Variants in HELQ observed in about 807,000 individuals in gnomAD.
The protein encoded by HELQ is helicase, POLQ like, also known as helicase POLQ-like.
HELQ carries 77 observed loss-of-function variants against 111.6 expected under a neutral mutation model. That is an observed-to-expected ratio of 0.69 (90% CI 0.57 to 0.83). The LOEUF is 0.83. Among genes scored for constraint, HELQ ranks in the 40% least tolerant of loss-of-function variants. HELQ has a pLI of 0.00. For synonymous variants in HELQ, 438 were observed against 454.7 expected (o/e 0.96, Z 0.47); for missense variants, 1,200 against 1,288.5 (o/e 0.93, Z 1.05).
chr4:83,434,423 A>AAT (rs1720337584), intron 9 of HELQ, among the ~76,000 whole-genome samples: 1 of 152,156 alleles, frequency 6.6e-6, no homozygotes, highest in African/African-American at 2.4e-5. Context: ...GAATGAAAAT[A>AAT]GTTAATGGAT....
At chr4:83,410,256 C>T (rs1739016964) in intron 17 of HELQ, among the ~76,000 whole-genome samples, 1 of 151,942 alleles carries the variant, frequency 6.6e-6, no homozygotes, top group Non-Finnish European at 1.5e-5. Flanking sequence ...CCCCACTCCC[C>T]CTAAAAAAAT....
chr4:83,410,738 C>T (rs183942660), intron 17 of HELQ, among the ~76,000 whole-genome samples: 3 of 152,190 alleles, frequency 2.0e-5, no homozygotes, highest in Admixed American at 1.3e-4. Flanking sequence ...TAATAGAATG[C>T]AGAAGAAATG....
At chr4:83,434,512 G>C (rs190122519) in intron 9 of HELQ, among the ~76,000 whole-genome samples, 2 of 152,144 alleles carry the variant, frequency 1.3e-5, no homozygotes, top group East Asian at 1.9e-4. Flanking sequence ...GCCCAGGCTG[G>C]AGTGCAGTGG....
chr4:83,418,263 G>T, intron 15 of HELQ, 57 bp from the exon 16 acceptor site: 1 of 1,024,604 alleles, frequency 9.8e-7, no homozygotes, highest in South Asian at 1.6e-5. Context: ...TTCAAAGTTT[G>T]GTTTGTGTGA....
At chr4:83,441,528 A>G (rs1325707872) in intron 6 of HELQ, 125 bp from the exon 7 acceptor site, 2 of 527,148 alleles carry the variant, frequency 3.8e-6, no homozygotes, top group African/African-American at 4.0e-5. Context: ...AAGATACATA[A>G]AACATGCTTC....
Position 83,448,937 on chromosome 4 carries a change from A to C in HELQ, c.1037T>G (p.Leu346Trp), listed in dbSNP as rs995216287. Residue 346 changes from leucine (L) to tryptophan (W), a missense_variant, in exon 3 of 18, where the codon TTG becomes TGG. Leu to Trp is a moderately conservative substitution (Grantham distance 61, BLOSUM62 -2). Transcript: ENST00000295488. ...LYEWQHTCLT[L>W]NSVQERKNLI... Reference sequence around the variant, plus strand: ...ATTTTTTCTTTCTTGCACAGAATTCAATGTTAAACAAGTATGTTGCCATTC... The same window carrying C: ...ATTTTTTCTTTCTTGCACAGAATTCCATGTTAAACAAGTATGTTGCCATTC... 1.2e-6 allele frequency: 2 copies of C among 1,605,066 alleles called. No individual in the cohort carries two copies. Among genetic ancestry groups the C allele is most frequent in the Admixed American group, 3.4e-5 (2 of 59,188 alleles).
At chr4:83,440,355 G>A (rs906411242) in intron 7 of HELQ, among the ~76,000 whole-genome samples, 3 of 152,094 alleles carry the variant, frequency 2.0e-5, no homozygotes, top group Non-Finnish European at 4.4e-5. Context: ...AGTCCACAGA[G>A]AGAAACACAG....
rs139804285 is a variant in HELQ at position 83,453,759 on chromosome 4, T to C, written c.484A>G (p.Ile162Val). 22 of 1,614,216 alleles carry C rather than the reference T, an allele frequency of 1.4e-5. No individual in the cohort carries two copies. Among genetic ancestry groups the C allele is most frequent in the Non-Finnish European group, 1.9e-5 (22 of 1,180,026 alleles). Residue 162 changes from isoleucine to valine, a missense_variant, in exon 2 of 18, where the codon ATA becomes GTA. This residue lies in a region of HELQ where 610 missense variants were observed against 607.1 expected (regional missense o/e 1.00). Transcript: ENST00000295488. ...GTTTGTAATTCAGTAAGGTTGCCTA[T>C]GGTAGTAATGCTGAGTTTGTTTTTG... The part of the protein sequence containing the change: ...SIKNKLSITT[I>V]GNLTELQTDK...
At chr4:83,424,543 G>A (rs149386200) in intron 14 of HELQ, among the ~76,000 whole-genome samples, 1,694 of 152,232 alleles carry the variant, frequency 0.011, 11 homozygotes, top group Admixed American at 0.017. Flanking sequence ...GTACAGGTGT[G>A]TGCCACTGTG....
At chr4:83,447,969 G>C (rs188197887) in intron 3 of HELQ, among the ~76,000 whole-genome samples, 95 of 152,164 alleles carry the variant, frequency 6.2e-4, no homozygotes, top group African/African-American at 2.3e-3. Context: ...CAGCACTTTG[G>C]GGGGCCGAGG....
At position 83,453,692 on chromosome 4, in the gene HELQ, G is replaced by A; in HGVS notation, c.551C>T (p.Thr184Ile). 6.2e-7 allele frequency: 1 copy of A among 1,614,070 alleles called. No individual in the cohort carries two copies. Among genetic ancestry groups the A allele is most frequent in the South Asian group, 1.1e-5 (1 of 91,082 alleles). ...CAAAAGATCAGCTCCAGGTTCAATA[G>A]TGACACCTTCATATCCACTCTGGTT... is the stretch of plus-strand genomic sequence containing the variant. ...TENQSGYEGVTIEPGADLLYD... is the reference protein window; with the variant it reads ...TENQSGYEGVIIEPGADLLYD... Residue 184 changes from threonine (T) to isoleucine (I), a missense_variant, in exon 2 of 18, where the codon ACT becomes ATT. By Grantham distance (89) the Thr-to-Ile change is moderately conservative. Coordinates refer to ENST00000295488, the MANE Select transcript of HELQ (RefSeq NM_133636.5).
chr4:83,438,082 T>C (rs928519142), intron 8 of HELQ, among the ~76,000 whole-genome samples: 3 of 152,218 alleles, frequency 2.0e-5, no homozygotes, highest in African/African-American at 7.2e-5. Context: ...AACTCCTTCA[T>C]CTTATTCCAA....
At chr4:83,431,357 T>A (rs1025636040) in intron 11 of HELQ, among the ~76,000 whole-genome samples, 3 of 151,938 alleles carry the variant, frequency 2.0e-5, no homozygotes, top group African/African-American at 7.2e-5. Flanking sequence ...GGGGTCTTGC[T>A]ATGTTGCCCA....
At chr4:83,447,201 G>T (rs766507323) in intron 3 of HELQ, among the ~76,000 whole-genome samples, 166 bp from the exon 4 acceptor site, 20 of 152,038 alleles carry the variant, frequency 1.3e-4, no homozygotes, top group Non-Finnish European at 2.8e-4. Flanking sequence ...TAAAAAATTC[G>T]CTGGCTGTGG....
rs772266630 is a variant in HELQ, at chr4:83,439,963, AT to A, written c.1707del (p.Leu570TrpfsTer2). ...LKKMDPDHLV[A>X]LVTEVIPNYS... ...TAATTGGGAATAACTTCTGTCACCA[AT>A]GCTACCAAGTGATCAGGATCCATCT... On this transcript the variant is annotated frameshift_variant, in exon 8 of 18. Coordinates refer to ENST00000295488, the MANE Select transcript of HELQ (RefSeq NM_133636.5). LOFTEE classifies it high-confidence loss of function. The A allele has an allele frequency of 6.2e-7, 1 of 1,612,168 alleles. No individual in the cohort carries two copies. The highest frequency in any genetic ancestry group is 8.5e-7 in the Non-Finnish European group (1 of 1,178,552).
chr4:83,452,245 T>C (rs1372141051), intron 2 of HELQ, among the ~76,000 whole-genome samples: 2 of 152,212 alleles, frequency 1.3e-5, no homozygotes, highest in African/African-American at 4.8e-5. Context: ...TTATGAGATT[T>C]TTTTTTTTGC....
Position 83,437,100 on chromosome 4 carries a change from A to G in HELQ, c.1809-3T>C. Reference sequence around the variant, plus strand: ...TCTCCTTATGTTTCAGATATTCCCTATGAAAAAGATCTGTTAGAAATATGA... The same window carrying G: ...TCTCCTTATGTTTCAGATATTCCCTGTGAAAAAGATCTGTTAGAAATATGA... On this transcript the variant is annotated splice_polypyrimidine_tract_variant and splice_region_variant and intron_variant, in intron 8 of 17. Coordinates refer to ENST00000295488, the MANE Select transcript of HELQ (RefSeq NM_133636.5). The G allele has an allele frequency of 6.2e-7, 1 of 1,612,124 alleles. No homozygotes were observed. The highest frequency in any genetic ancestry group is 8.5e-7 in the Non-Finnish European group (1 of 1,179,090).
chr4:83,450,649 A>G (rs1233633749), intron 2 of HELQ, among the ~76,000 whole-genome samples: 2 of 150,040 alleles, frequency 1.3e-5, no homozygotes, highest in Non-Finnish European at 2.9e-5. Context: ...ATATTTATGA[A>G]TACAATCTTC....
chr4:83,454,722 C>T (rs1721643075), intron 1 of HELQ, among the ~76,000 whole-genome samples: 1 of 151,872 alleles, frequency 6.6e-6, no homozygotes, highest in African/African-American at 2.4e-5. Flanking sequence ...CCACTGCACA[C>T]GGCCAGATTG....
Sources: gnomAD v4.1 joint callset for allele counts (sites outside exome capture counted in the v4.1 genomes callset) on GRCh38, gnomAD v4.1.1 for gene constraint, gnomAD v4.1.1 regional missense constraint, MANE v1.5 for transcripts, NCBI Gene and HGNC (gene_info 2026-07-23, HGNC 2026-07-21) for gene names.